BIRC6: variants seen among roughly 807,000 people sequenced by gnomAD.
BIRC6 encodes the protein dual E2 ubiquitin-conjugating enzyme/E3 ubiquitin-protein ligase BIRC6.
BIRC6 carries 98 observed loss-of-function variants against 503.3 expected under a neutral mutation model. The observed-to-expected ratio is 0.19, with a 90% confidence interval of 0.17 to 0.23. The LOEUF (loss-of-function observed/expected upper bound fraction) is 0.23, where lower values mean the gene tolerates loss of function less well. Among genes scored for constraint, BIRC6 ranks in the 10% least tolerant of loss-of-function variants. The pLI is 1.00. For missense variants in BIRC6, 5,360 were observed against 5,806.0 expected (o/e 0.92, Z 2.50); for synonymous variants, 2,240 against 2,078.7 (o/e 1.08, Z -2.11).
At chr2:32,482,646 ACTTTGTCC>A (rs1341510372) in intron 39 of BIRC6, 64 bp downstream of exon 39, 18 of 1,565,544 alleles carry the variant, frequency 1.1e-5, no homozygotes, top group Non-Finnish European at 1.6e-5. Context: ...ATTTATGTAT[ACTTTGTCC>A]CTTGAGAAGT....
intron 2 of BIRC6, 27 bp from the exon 3 acceptor site, chr2:32,380,125 AT>A (rs968011642): frequency 1.1e-5 from 16 of 1,437,002 alleles, no homozygotes; most frequent in African/African-American, 1.4e-5. Flanking sequence ...ATTTTCTGTG[AT>A]TTTTTTATTT....
At chr2:32,529,871 A>G in intron 60 of BIRC6, 47 bp downstream of exon 60, 3 of 1,263,240 alleles carry the variant, frequency 2.4e-6, no homozygotes, top group Non-Finnish European at 3.1e-6. Context: ...TCATACAAAG[A>G]GGCAGAGATT....
rs752853558 is a variant in BIRC6 at position 32,415,040 on chromosome 2, T to G, written c.1749T>G (p.Ile583Met). The stretch of plus-strand genomic sequence containing the variant: ...ATAAATCTCCTGCTACCTCACCCAT[T>G]AGTAGTAATTCTCACAGGTCACTGG... ...LTYKSPATSPISSNSHRSLDG... is the reference protein window; with the variant it reads ...LTYKSPATSPMSSNSHRSLDG... The change falls in exon 10 of 74, where the codon ATT becomes ATG. Residue 583 changes from isoleucine (I) to methionine (M), a missense_variant. Around this residue, in one of 16 missense-constraint regions of BIRC6, gnomAD observed 700 missense variants for 739.3 expected, o/e 0.95. Transcript: ENST00000421745. 2 of 1,613,916 alleles carry G rather than the reference T, an allele frequency of 1.2e-6. No homozygotes were observed. The highest frequency in any genetic ancestry group is 1.7e-6 in the Non-Finnish European group (2 of 1,179,890).
rs1405277033 is a variant in BIRC6, at chr2:32,510,014, T to G, written c.10237+20T>G. The G allele has an allele frequency of 6.2e-7, 1 of 1,610,688 alleles. No individual in the cohort carries two copies. Among genetic ancestry groups the G allele is most frequent in the Non-Finnish European group, 8.5e-7 (1 of 1,178,990 alleles). On this transcript the variant is annotated intron_variant, in intron 52 of 73. Coordinates refer to ENST00000421745, the MANE Select transcript of BIRC6 (RefSeq NM_016252.4). Reference sequence around the variant, plus strand: ...CTACAGGTGATAATTAACTTTGATATTTAAATGTTTACATATCTGTAAAGT... The same window carrying G: ...CTACAGGTGATAATTAACTTTGATAGTTAAATGTTTACATATCTGTAAAGT...
intron 8 of BIRC6, among the ~76,000 whole-genome samples, chr2:32,404,361 A>G (rs975182497): frequency 1.3e-5 from 2 of 151,574 alleles, no homozygotes; most frequent in African/African-American, 2.4e-5. Context: ...TCTGTCGCCC[A>G]TGCTGGAGTG....
intron 15 of BIRC6, among the ~76,000 whole-genome samples, chr2:32,438,262 T>C (rs1304783862): frequency 3.9e-5 from 6 of 152,130 alleles, no homozygotes; most frequent in Non-Finnish European, 5.9e-5. Context: ...AGGGGTAACA[T>C]TGGCCAAAGA....
intron 23 of BIRC6, among the ~76,000 whole-genome samples, chr2:32,459,558 C>G (rs1476479183): frequency 2.0e-5 from 3 of 152,070 alleles, no homozygotes; most frequent in African/African-American, 4.8e-5. Flanking sequence ...TTTCATTTGT[C>G]AATTTCTACA....
At chr2:32,544,367 C>T (rs375911285) in intron 62 of BIRC6, among the ~76,000 whole-genome samples, 7 of 151,832 alleles carry the variant, frequency 4.6e-5, no homozygotes, top group African/African-American at 1.7e-4. Flanking sequence ...TAAGAGAAAG[C>T]TGTGATGATT....
intron 10 of BIRC6, among the ~76,000 whole-genome samples, chr2:32,420,871 T>C (rs988719634): frequency 6.6e-6 from 1 of 151,940 alleles, no homozygotes; most frequent in Non-Finnish European, 1.5e-5. Context: ...TCATTTGTGA[T>C]ACTGATCGAT....
At chr2:32,476,534 A>T (rs1435019943) in intron 34 of BIRC6, among the ~76,000 whole-genome samples, 190 bp downstream of exon 34, 1 of 152,156 alleles carries the variant, frequency 6.6e-6, no homozygotes, top group Non-Finnish European at 1.5e-5. Flanking sequence ...GTATTATTGT[A>T]ATGTATTACC....
At chr2:32,580,007 G>T (rs1182532469) in intron 66 of BIRC6, among the ~76,000 whole-genome samples, 1 of 149,190 alleles carries the variant, frequency 6.7e-6, no homozygotes, top group African/African-American at 2.5e-5. Flanking sequence ...AGGCTGGAGT[G>T]CAGTGGCTTG....
chr2:32,408,280 T>G (rs545030349), intron 9 of BIRC6, among the ~76,000 whole-genome samples: 1 of 151,916 alleles, frequency 6.6e-6, no homozygotes. Context: ...ACCTGGCTCT[T>G]TCTTTTGTTT....
intron 1 of BIRC6, among the ~76,000 whole-genome samples, chr2:32,361,733 A>G (rs2034123552): frequency 6.6e-6 from 1 of 151,600 alleles, no homozygotes; most frequent in African/African-American, 2.4e-5. Flanking sequence ...GCAACCACTG[A>G]TCTTTTTACT....
At chr2:32,578,080 T>C (rs1285027513) in intron 66 of BIRC6, among the ~76,000 whole-genome samples, 1 of 152,212 alleles carries the variant, frequency 6.6e-6, no homozygotes, top group East Asian at 1.9e-4. Flanking sequence ...GAAACCCTCA[T>C]GGTCTCTGCT....
chr2:32,458,238 A>G (rs72867267), intron 23 of BIRC6, among the ~76,000 whole-genome samples: 1 of 151,946 alleles, frequency 6.6e-6, no homozygotes, highest in African/African-American at 2.4e-5. Context: ...TTTTTCTGTG[A>G]TGTTTCTACA....
intron 21 of BIRC6, among the ~76,000 whole-genome samples, chr2:32,446,721 G>T (rs2045978978): frequency 1.6e-5 from 2 of 127,066 alleles, no homozygotes; most frequent in South Asian, 5.6e-4. Context: ...AATCTAGTCA[G>T]CATCTCCCTC....
intron 23 of BIRC6, among the ~76,000 whole-genome samples, chr2:32,459,127 C>T (rs2047557993): frequency 6.6e-6 from 1 of 152,034 alleles, no homozygotes; most frequent in African/African-American, 2.4e-5. Flanking sequence ...ATGCAGTTAT[C>T]ACCACTATCT....
At chr2:32,539,834 A>G (rs922169042) in intron 61 of BIRC6, among the ~76,000 whole-genome samples, 1 of 152,112 alleles carries the variant, frequency 6.6e-6, no homozygotes, top group Non-Finnish European at 1.5e-5. Flanking sequence ...AAAACAAAAA[A>G]ATCAAAGAGA....
rs557696847 is a variant in BIRC6, at chr2:32,509,316, G to A, written c.9981-422G>A. Among the ~76,000 whole-genome samples, 3 of 152,220 alleles carry A rather than the reference G, an allele frequency of 2.0e-5. No homozygotes were observed. In the East Asian group the frequency reaches 5.8e-4, roughly 29 times the overall value. ...GTCGCCCAGGATGGAGTGCAGTGGT[G>A]CAGTCTAGACTCACTGCAACTTCTG... On this transcript the variant is annotated intron_variant, in intron 51 of 73. Transcript: ENST00000421745.
Sources: allele counts gnomAD v4.1 joint callset (sites outside exome capture counted in the v4.1 genomes callset), GRCh38; gene constraint gnomAD v4.1.1; regional missense constraint gnomAD v4.1.1; transcripts MANE v1.5; gene names NCBI Gene and HGNC (gene_info 2026-07-23, HGNC 2026-07-21).